The following SRPK1 variants were observed in gnomAD, a reference collection of about 807,000 sequenced individuals.
The protein encoded by SRPK1 is SFRS protein kinase 1.
Under a neutral mutation model 89.5 loss-of-function variants are expected in SRPK1, and 52 were observed. That is an observed-to-expected ratio of 0.58 (90% CI 0.46 to 0.73). SRPK1 has a LOEUF of 0.73. Among genes scored for constraint, SRPK1 ranks in the 30% least tolerant of loss-of-function variants. The pLI is 0.00. For missense variants in SRPK1, 603 were observed against 780.6 expected (o/e 0.77, Z 2.71); for synonymous variants, 255 against 270.2 (o/e 0.94, Z 0.55).
At chr6:35,883,042 C>T (rs748680066) in intron 6 of SRPK1, among the ~76,000 whole-genome samples, 29 of 152,200 alleles carry the variant, frequency 1.9e-4, no homozygotes, top group Non-Finnish European at 3.5e-4. Context: ...CTCCTGACCT[C>T]GTGATCCGCC....
chr6:35,916,749 T>C (rs1178673821), intron 2 of SRPK1, among the ~76,000 whole-genome samples: 6 of 152,170 alleles, frequency 3.9e-5, no homozygotes, highest in African/African-American at 1.4e-4. Flanking sequence ...TTATGTTCCA[T>C]AGAAACAACT....
At chr6:35,857,720 G>C (rs1055074004) in intron 12 of SRPK1, among the ~76,000 whole-genome samples, 3 of 152,118 alleles carry the variant, frequency 2.0e-5, no homozygotes, top group African/African-American at 7.2e-5. Context: ...CACCCACCTT[G>C]GCCTCCCAAA....
chr6:35,857,404 T>A, intron 12 of SRPK1, 36 bp from the exon 13 acceptor site: 1 of 1,492,160 alleles, frequency 6.7e-7, no homozygotes, highest in Non-Finnish European at 9.2e-7. Flanking sequence ...TTAAACTTCA[T>A]TCTAAAAAGT....
intron 6 of SRPK1, 53 bp downstream of exon 6, chr6:35,886,671 C>G: frequency 1.8e-6 from 2 of 1,106,210 alleles, no homozygotes; most frequent in Non-Finnish European, 2.7e-6. Context: ...AAATCTAGTT[C>G]CTTTCTTTGG....
intron 2 of SRPK1, among the ~76,000 whole-genome samples, chr6:35,918,992 T>C (rs1483050167): frequency 1.3e-5 from 2 of 152,212 alleles, no homozygotes; most frequent in East Asian, 3.8e-4. Flanking sequence ...GCAACTTCCT[T>C]GTATCAATAG....
At chr6:35,883,291 A>G (rs1425332544) in intron 6 of SRPK1, among the ~76,000 whole-genome samples, 1 of 152,080 alleles carries the variant, frequency 6.6e-6, no homozygotes, top group Non-Finnish European at 1.5e-5. Context: ...CGGGAGGGTG[A>G]GGAAGGAGAA....
At position 35,838,446 on chromosome 6, in the gene SRPK1, T is replaced by C; in HGVS notation, c.1691-17A>G. Reference sequence around the variant, plus strand: ...CAATGTGATCTGTATATTTCAAACATTTCAAGAGGGGGGAAAAAAAAGATC... The same window carrying C: ...CAATGTGATCTGTATATTTCAAACACTTCAAGAGGGGGGAAAAAAAAGATC... On this transcript the variant is annotated splice_polypyrimidine_tract_variant and intron_variant, in intron 14 of 15. Coordinates refer to ENST00000373825, the MANE Select transcript of SRPK1 (RefSeq NM_003137.5). The C allele has an allele frequency of 1.9e-6, 3 of 1,560,562 alleles. No individual in the cohort carries two copies. The highest frequency in any genetic ancestry group is 2.6e-6 in the Non-Finnish European group (3 of 1,159,958).
chr6:35,896,044 T>C (rs186005441), intron 2 of SRPK1, among the ~76,000 whole-genome samples: 80 of 152,330 alleles, frequency 5.3e-4, no homozygotes, highest in African/African-American at 1.8e-3. Context: ...CCAGTAAACA[T>C]GTTGCCCTGA....
Position 35,838,971 on chromosome 6 carries a change from T to TA in SRPK1, c.1691-543dup, listed in dbSNP as rs149279974. The TA allele has an allele frequency of 4.4e-3, 2,397 of 550,078 alleles. 44 individuals carry two copies. Among genetic ancestry groups the TA allele is most frequent in the African/African-American group, 0.043 (2,169 of 50,366 alleles). 34.1% of individuals were successfully genotyped at this position (550,078 alleles called of 1,614,324 possible). ...TTATTTCAGGTGGTTGGTCACCCGA[T>TA]AGTGTCTGGCAAGTCCCATTCTGGA... On this transcript the variant is annotated intron_variant, in intron 14 of 15. Coordinates refer to ENST00000373825, the MANE Select transcript of SRPK1 (RefSeq NM_003137.5).
intron 13 of SRPK1, among the ~76,000 whole-genome samples, chr6:35,851,578 A>T (rs1435733651): frequency 1.3e-5 from 2 of 152,222 alleles, no homozygotes; most frequent in Admixed American, 1.3e-4. Context: ...TCAGGTTCTA[A>T]GCTTTTAGTC....
At chr6:35,872,790 A>AGATT (rs1770060907) in intron 7 of SRPK1, 62 bp from the exon 8 acceptor site, 1 of 1,375,924 alleles carries the variant, frequency 7.3e-7, no homozygotes, top group African/African-American at 1.5e-5. Flanking sequence ...GAGAAGTAAG[A>AGATT]GATTATAACA....
chr6:35,920,197 G>C (rs550044674), intron 2 of SRPK1: 68 of 572,372 alleles, frequency 1.2e-4, no homozygotes, highest in Admixed American at 2.0e-4. Context: ...CTCCTCTGTG[G>C]AGTTGGGGAG....
chr6:35,887,989 A>G, intron 5 of SRPK1, 35 bp downstream of exon 5: 4 of 1,420,784 alleles, frequency 2.8e-6, no homozygotes, highest in Non-Finnish European at 3.8e-6. Flanking sequence ...TTTATTTATA[A>G]TTCTTCACAT....
In SRPK1 at chr6:35,835,319, A is replaced by G. The variant is rs1769154473; in HGVS notation, c.1953T>C (p.Pro651=). The change falls in exon 16 of 16, where the codon CCT becomes CCC. Residue 651 remains proline, a synonymous_variant. Transcript: ENST00000373825. Reference sequence around the variant, plus strand: ...GGGCAGGGGCTTAGGAGTTAAGCCAAGGGTGCCGGAGACACTCGGCGGCAG... The same window carrying G: ...GGGCAGGGGCTTAGGAGTTAAGCCAGGGGTGCCGGAGACACTCGGCGGCAG... ...RATAAECLRH[P]WLNS The G allele has an allele frequency of 1.9e-6, 3 of 1,613,558 alleles. No homozygotes were observed. Among genetic ancestry groups the G allele is most frequent in the Non-Finnish European group, 1.7e-6 (2 of 1,179,702 alleles).
intron 12 of SRPK1, among the ~76,000 whole-genome samples, chr6:35,861,101 G>T (rs538430196): frequency 3.9e-5 from 6 of 152,314 alleles, no homozygotes; most frequent in Non-Finnish European, 8.8e-5. Flanking sequence ...CTCATCCACA[G>T]AAAGGAACCA....
chr6:35,870,020 A>C, intron 10 of SRPK1, 119 bp from the exon 11 acceptor site: 3 of 1,195,676 alleles, frequency 2.5e-6, no homozygotes, highest in Non-Finnish European at 3.5e-6. Context: ...TAAAAACATG[A>C]CTAAACATCT....
At position 35,842,460 on chromosome 6, in the gene SRPK1, T is replaced by C. The variant is rs992376128; in HGVS notation, c.1690+75A>G. The C allele has an allele frequency of 1.5e-5, 17 of 1,169,448 alleles. No homozygotes were observed. In the African/African-American group the frequency reaches 2.3e-4, roughly 16 times the overall value. 72.4% of individuals were successfully genotyped at this position (1,169,448 alleles called of 1,614,324 possible). On this transcript the variant is annotated intron_variant, in intron 14 of 15. Transcript: ENST00000373825. ...CACTAACAAGACTAAGGCTCTTCGG[T>C]ACTAACAAATGATGTTAGCTTAATG...
intron 6 of SRPK1, among the ~76,000 whole-genome samples, chr6:35,884,599 T>C (rs1770364319): frequency 6.6e-6 from 1 of 151,964 alleles, no homozygotes. Context: ...AGCTGGGAGA[T>C]AAGGATGAAG....
rs1049036646 is a variant in SRPK1, at chr6:35,841,075, CCAAA to C, written c.1690+1456_1690+1459del. Among the ~76,000 whole-genome samples the C allele has an allele frequency of 9.2e-5, 14 of 152,016 alleles. 1 individual carries two copies. Among genetic ancestry groups the C allele is most frequent in the Admixed American group, 6.6e-4 (10 of 15,238 alleles). Reference sequence around the variant, plus strand: ...AAGGGGAAAAAAATTAATTACCCTCCCAAACAAACATAGTAGGTAGTCTCTAGGC... The same window carrying C: ...AAGGGGAAAAAAATTAATTACCCTCCCAAACATAGTAGGTAGTCTCTAGGC... On this transcript the variant is annotated intron_variant, in intron 14 of 15. Coordinates refer to ENST00000373825, the MANE Select transcript of SRPK1 (RefSeq NM_003137.5).
Sources: gnomAD v4.1 joint callset for allele counts (sites outside exome capture counted in the v4.1 genomes callset) on GRCh38, gnomAD v4.1.1 for gene constraint, MANE v1.5 for transcripts, NCBI Gene and HGNC (gene_info 2026-07-23, HGNC 2026-07-21) for gene names.